The following PHIP variants were observed in gnomAD, a reference collection of about 807,000 sequenced individuals.
PHIP encodes PH-interacting protein.
PHIP carries 54 observed loss-of-function variants against 236.8 expected under a neutral mutation model. The observed-to-expected ratio is 0.23, with a 90% CI of 0.18 to 0.29. The LOEUF (loss-of-function observed/expected upper bound fraction) is 0.29. Among genes scored for constraint, PHIP ranks in the 10% least tolerant of loss-of-function variants. PHIP has a pLI of 1.00. For synonymous variants in PHIP, 756 were observed against 718.9 expected (o/e 1.05, Z -0.83); for missense variants, 1,370 against 2,190.8 (o/e 0.63, Z 7.48).
chr6:79,066,631 G>C (rs1223721577), intron 4 of PHIP, among the ~76,000 whole-genome samples: 1 of 152,128 alleles, frequency 6.6e-6, no homozygotes, highest in African/African-American at 2.4e-5. Flanking sequence ...CAGTTCACTT[G>C]CACTACTAAG....
chr6:78,948,841 G>GT lies in PHIP; in HGVS notation c.4054-1067dup, dbSNP rs144476974. ...AGTATGCGACTATATTTTTTGAAGT[G>GT]TAACAACTTGACTTTGCACCATCAA... On this transcript the variant is annotated intron_variant, in intron 35 of 39. Coordinates refer to ENST00000275034, the MANE Select transcript of PHIP (RefSeq NM_017934.7). Among the ~76,000 whole-genome samples the GT allele has an allele frequency of 6.8e-3, 1,030 of 152,286 alleles. 6 individuals carry two copies. The highest frequency in any genetic ancestry group is 0.023 in the African/African-American group (957 of 41,552).
Position 79,002,102 on chromosome 6 carries a change from T to C in PHIP, c.1676A>G (p.His559Arg). The C allele has an allele frequency of 6.2e-7, 1 of 1,612,178 alleles. No homozygotes were observed. The highest frequency in any genetic ancestry group is 8.5e-7 in the Non-Finnish European group (1 of 1,178,578). ...ACGAATAAGTGGCCGATAATCACTA[T>C]GAAAGAACATCTGATCTGCTATCTG... ...YDKIADQMFFHSDYRPLIRDA... is the reference protein window; with the variant it reads ...YDKIADQMFFRSDYRPLIRDA... Residue 559 changes from histidine (H) to arginine (R), a missense_variant, in exon 17 of 40, where the codon CAT (histidine) becomes CGT (arginine). By Grantham distance (29) the His-to-Arg change is conservative. Around this residue, in one of 14 missense-constraint regions of PHIP, gnomAD observed 133 missense variants for 245.2 expected, o/e 0.54. Transcript: ENST00000275034.
chr6:78,941,061 T>C lies in PHIP; in HGVS notation c.5098A>G (p.Asn1700Asp). ...TTCTGTAACAAATCTTCCTTTACAT[T>C]ATTAGTTTCAGAAAGAAAATTGCAT... is the stretch of plus-strand genomic sequence containing the variant. ...STCNFLSETN[N>D]VKEDLLQKKN... Residue 1700 changes from asparagine to aspartate, a missense_variant, in exon 40 of 40, where the codon AAT becomes GAT. Physicochemically the swap from Asn to Asp is conservative, Grantham distance 23. Coordinates refer to ENST00000275034, the MANE Select transcript of PHIP (RefSeq NM_017934.7). 2 of 1,614,040 alleles carry C rather than the reference T, an allele frequency of 1.2e-6. No homozygotes were observed.
intron 6 of PHIP, among the ~76,000 whole-genome samples, chr6:79,048,042 C>T (rs911626067): frequency 4.0e-5 from 6 of 150,604 alleles, no homozygotes; most frequent in Admixed American, 3.3e-4. Context: ...ACATGACTGA[C>T]AGTCTATTTA....
At chr6:79,014,575 T>C (rs1172672612) in intron 15 of PHIP, among the ~76,000 whole-genome samples, 1 of 151,730 alleles carries the variant, frequency 6.6e-6, no homozygotes, top group South Asian at 2.1e-4. Context: ...GCCAATTATG[T>C]TAACATCTAA....
At chr6:79,015,549 A>G in intron 14 of PHIP, 81 bp downstream of exon 14, 1 of 1,081,486 alleles carries the variant, frequency 9.2e-7, no homozygotes, top group South Asian at 1.6e-5. Context: ...GCTAACATAA[A>G]AGACTTTATT....
chr6:79,018,716 A>C (rs947546402), intron 10 of PHIP, among the ~76,000 whole-genome samples: 1 of 152,002 alleles, frequency 6.6e-6, no homozygotes, highest in Non-Finnish European at 1.5e-5. Flanking sequence ...AATTTATTTT[A>C]CTTAACTATA....
At chr6:78,983,246 C>G in intron 22 of PHIP, 129 bp from the exon 23 acceptor site, 1 of 462,574 alleles carries the variant, frequency 2.2e-6, no homozygotes, top group Non-Finnish European at 3.7e-6. Context: ...AAAAAAACTT[C>G]CCTAATTTTC....
Position 79,025,543 on chromosome 6 carries a change from C to T in PHIP, c.899G>A (p.Trp300Ter), listed in dbSNP as rs1164966822. 2 of 1,607,814 alleles carry T rather than the reference C, an allele frequency of 1.2e-6. No individual in the cohort carries two copies. Among genetic ancestry groups the T allele is most frequent in the Admixed American group, 1.7e-5 (1 of 59,966 alleles). ...CTTTATTTTAAGGGTTCCAGCATCC[C>T]AGAGCCAAAAACAAATAGTGCCATC... ...GADGTICFWL[W>*]DAGTLKINPR... is the part of the protein sequence containing the mutation. The change falls in exon 9 of 40, where the codon TGG becomes TAG. Residue 300 changes from tryptophan to a stop codon, truncating the protein, a stop_gained. Coordinates refer to ENST00000275034, the MANE Select transcript of PHIP (RefSeq NM_017934.7). LOFTEE classifies it high-confidence loss of function.
At chr6:78,977,040 G>T (rs1218417770) in intron 24 of PHIP, among the ~76,000 whole-genome samples, 83 of 109,372 alleles carry the variant, frequency 7.6e-4, no homozygotes, top group South Asian at 2.1e-3. Context: ...ATACCCAAAG[G>T]ACTATAAATC....
At chr6:79,060,412 A>G in intron 6 of PHIP, 66 bp downstream of exon 6, 1 of 1,087,306 alleles carries the variant, frequency 9.2e-7, no homozygotes, top group Non-Finnish European at 1.4e-6. Flanking sequence ...TAACTAAAAA[A>G]CCTTTTCATT....
intron 12 of PHIP, 77 bp downstream of exon 12, chr6:79,017,269 T>C: frequency 1.1e-6 from 1 of 874,658 alleles, no homozygotes; most frequent in Admixed American, 2.6e-5. Flanking sequence ...CTATACAGCT[T>C]CAAATAAAAT....
At chr6:78,978,872 C>T (rs1218510757) in intron 23 of PHIP, among the ~76,000 whole-genome samples, 161 bp from the exon 24 acceptor site, 1 of 152,106 alleles carries the variant, frequency 6.6e-6, no homozygotes, top group Non-Finnish European at 1.5e-5. Flanking sequence ...GGTTCCACAT[C>T]CATGCATTCA....
chr6:78,951,599 T>C (rs1774155282), intron 35 of PHIP, among the ~76,000 whole-genome samples: 1 of 152,232 alleles, frequency 6.6e-6, no homozygotes. Context: ...CATGGAGTAC[T>C]GCAAGAGGCA....
At chr6:79,046,650 G>A (rs1772501113) in intron 6 of PHIP, among the ~76,000 whole-genome samples, 1 of 152,096 alleles carries the variant, frequency 6.6e-6, no homozygotes, top group African/African-American at 2.4e-5. Context: ...GCTGAGGTGG[G>A]TGGATTACTT....
Position 79,042,996 on chromosome 6 carries a change from A to G in PHIP, c.447T>C (p.Thr149=). 6 of 1,607,526 alleles carry G rather than the reference A, an allele frequency of 3.7e-6. No individual in the cohort carries two copies. The highest frequency in any genetic ancestry group is 5.1e-6 in the Non-Finnish European group (6 of 1,176,886). Residue 149 remains threonine, a synonymous_variant, in exon 7 of 40, where the codon ACT becomes ACC. Transcript: ENST00000275034. ...TCCCATTCAGCTTCCTTGAAAACAG[A>G]GTATCCGCTACCAAGAAAAAGAAGG... is the stretch of plus-strand genomic sequence containing the variant. The part of the protein sequence containing the change: ...NYGSPPSIAD[T]LFSRKLNGKY...
intron 15 of PHIP, among the ~76,000 whole-genome samples, chr6:79,012,965 C>G (rs571661085): frequency 6.6e-6 from 1 of 151,852 alleles, no homozygotes; most frequent in African/African-American, 2.4e-5. Flanking sequence ...AGACATATCA[C>G]TAACTGAGTA....
chr6:79,076,459 T>A (rs1774166484), intron 4 of PHIP, among the ~76,000 whole-genome samples: 1 of 152,188 alleles, frequency 6.6e-6, no homozygotes, highest in South Asian at 2.1e-4. Context: ...CGAACCTGTA[T>A]CAGTTTAGGA....
intron 25 of PHIP, among the ~76,000 whole-genome samples, chr6:78,970,413 A>G (rs1234595152): frequency 6.6e-6 from 1 of 152,192 alleles, no homozygotes; most frequent in African/African-American, 2.4e-5. Context: ...TTACTAAAGT[A>G]TAGTTACTAA....
Sources: gnomAD v4.1 joint callset for allele counts (sites outside exome capture counted in the v4.1 genomes callset) on GRCh38, gnomAD v4.1.1 for gene constraint, gnomAD v4.1.1 regional missense constraint, MANE v1.5 for transcripts, NCBI Gene and HGNC (gene_info 2026-07-23, HGNC 2026-07-21) for gene names.